The following PTPRT variants were observed in gnomAD, a reference collection of about 807,000 sequenced individuals.
PTPRT encodes the protein receptor-type tyrosine-protein phosphatase T.
Under a neutral mutation model 176.8 loss-of-function variants are expected in PTPRT, and 56 were observed. The ratio of observed to expected loss-of-function variants is 0.32; its 90% CI spans 0.26 to 0.40. The LOEUF is 0.40. PTPRT is among the 10% of genes least tolerant of loss of function. The pLI, the probability that PTPRT is intolerant of heterozygous loss-of-function variation, is 1.00. For missense variants in PTPRT, 1,540 were observed against 1,908.2 expected (o/e 0.81, Z 3.60); for synonymous variants, 783 against 739.0 (o/e 1.06, Z -0.96).
chr20:42,860,377 C>T (rs1295391658), intron 2 of PTPRT, among the ~76,000 whole-genome samples: 1 of 152,208 alleles, frequency 6.6e-6, no homozygotes, highest in African/African-American at 2.4e-5. Flanking sequence ...CTCTTTTCAA[C>T]ATTTGCTTGA....
intron 1 of PTPRT, among the ~76,000 whole-genome samples, chr20:43,066,881 T>C (rs2011117102): frequency 6.6e-6 from 1 of 152,248 alleles, no homozygotes; most frequent in East Asian, 1.9e-4. Context: ...TTCACATATT[T>C]TCTCTGGCAC....
chr20:42,568,233 C>G (rs2073081510), intron 7 of PTPRT, among the ~76,000 whole-genome samples: 1 of 152,176 alleles, frequency 6.6e-6, no homozygotes. Flanking sequence ...TCCCAAAGTG[C>G]TGGGATTACA....
rs895427400 is a variant in PTPRT at position 42,132,789 on chromosome 20, C to T, written c.2771-3959G>A. On this transcript the variant is annotated intron_variant, in intron 18 of 30. Transcript: ENST00000373187. Reference sequence around the variant, plus strand: ...CTTACAAGACTAAACATACACTTACCATACTATATCTAGCAATTGTACTTC... The same window carrying T: ...CTTACAAGACTAAACATACACTTACTATACTATATCTAGCAATTGTACTTC... Among the ~76,000 whole-genome samples, 5 of 152,266 alleles carry T rather than the reference C, an allele frequency of 3.3e-5. No homozygotes were observed. The South Asian group carries it at 1.0e-3, about 32-fold the overall frequency.
chr20:42,742,272 T>C (rs1006569758), intron 6 of PTPRT, among the ~76,000 whole-genome samples: 22 of 152,228 alleles, frequency 1.4e-4, no homozygotes, highest in African/African-American at 5.3e-4. Flanking sequence ...ATCTGTCCAC[T>C]GCATAGATGG....
chr20:42,645,430 G>A (rs2074870013), intron 7 of PTPRT, among the ~76,000 whole-genome samples: 1 of 152,148 alleles, frequency 6.6e-6, no homozygotes, highest in Non-Finnish European at 1.5e-5. Context: ...GGCCACAATG[G>A]TAACCTGCCC....
intron 6 of PTPRT, among the ~76,000 whole-genome samples, chr20:42,734,206 C>T (rs960343976): frequency 6.6e-6 from 1 of 152,192 alleles, no homozygotes; most frequent in East Asian, 1.9e-4. Context: ...CCACAAGATC[C>T]TGGGACTGGG....
intron 1 of PTPRT, among the ~76,000 whole-genome samples, chr20:43,177,296 G>A (rs2015144601): frequency 6.6e-6 from 1 of 152,214 alleles, no homozygotes. Flanking sequence ...TATAGTGAAA[G>A]ATGGCTGGGA....
chr20:42,921,950 T>C (rs1979172840), intron 1 of PTPRT, among the ~76,000 whole-genome samples: 2 of 152,160 alleles, frequency 1.3e-5, no homozygotes, highest in Admixed American at 1.3e-4. Flanking sequence ...CCACCTACTC[T>C]TTTGAGATGG....
chr20:42,633,931 TA>T (rs1245619085), intron 7 of PTPRT, among the ~76,000 whole-genome samples: 8 of 45,326 alleles, frequency 1.8e-4, no homozygotes, highest in South Asian at 5.9e-4. Context: ...TAATATATTA[TA>T]ATAATATAAT....
Position 42,787,576 on chromosome 20 carries a change from G to A in PTPRT, c.486+3619C>T, listed in dbSNP as rs1385451542. ...CTACAGAGAATCTCGGGGAACACAT[G>A]TTCCACAGAGCACACTCTACAAATC... On this transcript the variant is annotated intron_variant, in intron 3 of 30. Coordinates refer to ENST00000373187, the MANE Select transcript of PTPRT (RefSeq NM_007050.6). 3.3e-5 allele frequency among the ~76,000 whole-genome samples: 5 copies of A among 152,322 alleles called. No homozygotes were observed. The East Asian group carries it at 9.6e-4, about 29-fold the overall frequency.
intron 3 of PTPRT, among the ~76,000 whole-genome samples, chr20:42,780,618 C>T (rs920865921): frequency 4.6e-5 from 7 of 152,126 alleles, no homozygotes; most frequent in African/African-American, 7.2e-5. Context: ...CTTCAAGGGT[C>T]AAGCCACAAC....
At chr20:42,299,729 C>G (rs543393830) in intron 12 of PTPRT, among the ~76,000 whole-genome samples, 37 of 142,904 alleles carry the variant, frequency 2.6e-4, no homozygotes, top group Admixed American at 8.9e-4. Context: ...CTCACTGCAG[C>G]CTCCGCCTTC....
chr20:42,376,690 A>T (rs1177117888), intron 9 of PTPRT, among the ~76,000 whole-genome samples: 1 of 152,090 alleles, frequency 6.6e-6, no homozygotes, highest in East Asian at 1.9e-4. Context: ...ATGAAATGGG[A>T]GTAAGAAGCT....
chr20:42,361,133 T>C (rs900730639), intron 9 of PTPRT, among the ~76,000 whole-genome samples: 1 of 152,088 alleles, frequency 6.6e-6, no homozygotes, highest in Non-Finnish European at 1.5e-5. Flanking sequence ...GCTGCAACTG[T>C]CAGAACACGA....
At chr20:42,232,523 C>A (rs1254355700) in intron 15 of PTPRT, among the ~76,000 whole-genome samples, 1 of 152,130 alleles carries the variant, frequency 6.6e-6, no homozygotes, top group East Asian at 1.9e-4. Flanking sequence ...AAGGCTCCCC[C>A]TCGGGGCATA....
intron 1 of PTPRT, among the ~76,000 whole-genome samples, chr20:43,063,962 A>C (rs939948081): frequency 6.6e-6 from 1 of 152,088 alleles, no homozygotes; most frequent in Non-Finnish European, 1.5e-5. Flanking sequence ...TGCTAATAGC[A>C]TGGTACGTTT....
chr20:42,914,524 C>T (rs940021899), intron 1 of PTPRT, among the ~76,000 whole-genome samples: 8 of 152,148 alleles, frequency 5.3e-5, no homozygotes, highest in African/African-American at 9.7e-5. Context: ...GACCTATTGA[C>T]GCTTGCAACA....
chr20:43,143,913 C>T (rs2014091867), intron 1 of PTPRT, among the ~76,000 whole-genome samples: 3 of 152,158 alleles, frequency 2.0e-5, no homozygotes, highest in African/African-American at 7.2e-5. Context: ...TCTATAGGGT[C>T]ACAAGGTGCT....
chr20:42,579,925 A>G (rs1049026300), intron 7 of PTPRT, among the ~76,000 whole-genome samples: 81 of 152,178 alleles, frequency 5.3e-4, no homozygotes, highest in African/African-American at 1.9e-3. Context: ...CCATTTCTCA[A>G]TTTTGGCTTT....
Sources: gnomAD v4.1 joint callset for allele counts (sites outside exome capture counted in the v4.1 genomes callset) on GRCh38, gnomAD v4.1.1 for gene constraint, MANE v1.5 for transcripts, NCBI Gene and HGNC (gene_info 2026-07-23, HGNC 2026-07-21) for gene names.